Variants in GABBR2 observed in about 807,000 individuals in gnomAD.
The protein encoded by GABBR2 is gamma-aminobutyric acid type B receptor subunit 2, also known as G-protein coupled receptor 51.
GABBR2 carries 23 observed loss-of-function variants against 105.6 expected under a neutral mutation model. That is an observed-to-expected ratio of 0.22 (90% confidence interval 0.16 to 0.31). The LOEUF (loss-of-function observed/expected upper bound fraction) is 0.31, where lower values mean the gene tolerates loss of function less well. Ranked by LOEUF, GABBR2 falls within the 10% of genes least tolerant of loss-of-function variation. The probability of loss-of-function intolerance (pLI) is 1.00; values close to 1 mark genes in which losing one functional copy is unlikely to be tolerated. For synonymous variants in GABBR2, 478 were observed against 499.7 expected, an observed-to-expected ratio of 0.96 and a Z score of 0.58; for missense variants, 734 against 1,245.5, an observed-to-expected ratio of 0.59 and a Z score of 6.18.
At chr9:98,627,126 C>T (rs1930131) in intron 1 of GABBR2, among the ~76,000 whole-genome samples, 120,972 of 152,032 alleles carry the variant, frequency 0.8, 48,820 homozygotes, top group Middle Eastern at 0.88. Flanking sequence ...TTCACGGAGG[C>T]CAGCCTCAGC....
chr9:98,576,337 T>C (rs182591929), intron 2 of GABBR2, among the ~76,000 whole-genome samples: 88 of 152,336 alleles, frequency 5.8e-4, no homozygotes, highest in African/African-American at 2.0e-3. Context: ...CAAGCTGCCT[T>C]CCTCCGTTTA....
chr9:98,408,112 T>C (rs530495852), intron 7 of GABBR2, among the ~76,000 whole-genome samples: 37 of 152,250 alleles, frequency 2.4e-4, no homozygotes, highest in African/African-American at 7.5e-4. Flanking sequence ...TGTTTAATAG[T>C]GGGGAGCTGA....
intron 7 of GABBR2, among the ~76,000 whole-genome samples, chr9:98,423,981 T>A (rs10986192): frequency 0.27 from 41,000 of 152,088 alleles, 6,475 homozygotes; most frequent in Middle Eastern, 0.36. Context: ...CTGATCTATA[T>A]CTCTGTTTTG....
intron 4 of GABBR2, among the ~76,000 whole-genome samples, chr9:98,492,785 C>T (rs1343370637): frequency 6.6e-6 from 1 of 152,134 alleles, no homozygotes; most frequent in Non-Finnish European, 1.5e-5. Context: ...GGAAGAAGAC[C>T]ACAGAGGTAA....
chr9:98,661,411 A>T (rs1401455953), intron 1 of GABBR2, among the ~76,000 whole-genome samples: 2 of 140,534 alleles, frequency 1.4e-5, no homozygotes, highest in Non-Finnish European at 3.1e-5. Context: ...CTTTTCCCCC[A>T]CCCCCCCGAT....
chr9:98,410,881 C>T (rs1427812176), intron 7 of GABBR2, among the ~76,000 whole-genome samples: 4 of 152,170 alleles, frequency 2.6e-5, no homozygotes, highest in Admixed American at 6.5e-5. Flanking sequence ...TCTTCCTGCC[C>T]AAGGGGCATG....
At chr9:98,494,274 G>A (rs1330053243) in intron 4 of GABBR2, among the ~76,000 whole-genome samples, 5 of 152,184 alleles carry the variant, frequency 3.3e-5, no homozygotes, top group African/African-American at 1.2e-4. Context: ...AAATGGAGGA[G>A]AAAATTAGCA....
At chr9:98,415,469 A>G (rs1455196791) in intron 7 of GABBR2, among the ~76,000 whole-genome samples, 1 of 152,174 alleles carries the variant, frequency 6.6e-6, no homozygotes, top group African/African-American at 2.4e-5. Flanking sequence ...TCGAATAACA[A>G]AGAGAGCAAT....
intron 3 of GABBR2, among the ~76,000 whole-genome samples, chr9:98,508,295 G>A (rs762031420): frequency 1.4e-4 from 21 of 152,198 alleles, no homozygotes; most frequent in Admixed American, 1.0e-3. Context: ...GAGCCAAGAT[G>A]GCCGAATAGG....
At chr9:98,682,882 TTTTGTTTTG>T (rs1315469592) in intron 1 of GABBR2, among the ~76,000 whole-genome samples, 5 of 27,048 alleles carry the variant, frequency 1.8e-4, no homozygotes, top group African/African-American at 2.7e-4. Context: ...GAGCTTTTGA[TTTTGTTTTG>T]TTTGTTTGTT....
intron 1 of GABBR2, among the ~76,000 whole-genome samples, chr9:98,620,418 C>G (rs1829653382): frequency 6.6e-6 from 1 of 152,014 alleles, no homozygotes; most frequent in South Asian, 2.1e-4. Context: ...TTAAAATAAT[C>G]TTATTTAAAA....
At chr9:98,531,890 G>A (rs1399133351) in intron 3 of GABBR2, among the ~76,000 whole-genome samples, 1 of 152,108 alleles carries the variant, frequency 6.6e-6, no homozygotes, top group Non-Finnish European at 1.5e-5. Context: ...TAAATAAACA[G>A]GCGGCTAAGT....
intron 1 of GABBR2, among the ~76,000 whole-genome samples, chr9:98,608,855 A>T (rs1261407496): frequency 6.6e-6 from 1 of 152,228 alleles, no homozygotes; most frequent in Non-Finnish European, 1.5e-5. Flanking sequence ...AGCATCTTTC[A>T]TATGGTAGGA....
At chr9:98,342,067 C>G (rs1029132444) in intron 13 of GABBR2, among the ~76,000 whole-genome samples, 1 of 151,992 alleles carries the variant, frequency 6.6e-6, no homozygotes, top group Non-Finnish European at 1.5e-5. Flanking sequence ...AAGAGGGGAC[C>G]GGCACACAGA....
chr9:98,420,839 G>T (rs572802321), intron 7 of GABBR2, among the ~76,000 whole-genome samples: 1 of 152,314 alleles, frequency 6.6e-6, no homozygotes, highest in Non-Finnish European at 1.5e-5. Context: ...GCAGAGAGTA[G>T]GAAGCAGAAA....
At chr9:98,532,054 T>A (rs11788298) in intron 3 of GABBR2, among the ~76,000 whole-genome samples, 47,586 of 152,162 alleles carry the variant, frequency 0.31, 7,677 homozygotes, top group Non-Finnish European at 0.33. Flanking sequence ...TCTTAAGCAA[T>A]AACATCCATG....
chr9:98,520,882 G>C (rs1016927450), intron 3 of GABBR2, among the ~76,000 whole-genome samples: 1 of 152,144 alleles, frequency 6.6e-6, no homozygotes, highest in Admixed American at 6.5e-5. Flanking sequence ...CCATCTGATC[G>C]AGAGGATGCT....
At chr9:98,581,006 A>G (rs182794371) in intron 1 of GABBR2, 134 of 152,298 alleles carry the variant, frequency 8.8e-4, no homozygotes, top group African/African-American at 3.1e-3. Flanking sequence ...AACTCCTCTG[A>G]TCTGTGACCC....
At chr9:98,626,690 A>G (rs923321133) in intron 1 of GABBR2, among the ~76,000 whole-genome samples, 1 of 152,176 alleles carries the variant, frequency 6.6e-6, no homozygotes, top group South Asian at 2.1e-4. Context: ...TAAGTTCTAG[A>G]TGAGTGCTTG....
Sources: allele counts gnomAD v4.1 joint callset (sites outside exome capture counted in the v4.1 genomes callset), GRCh38; gene constraint gnomAD v4.1.1; transcripts MANE v1.5; gene names NCBI Gene and HGNC (gene_info 2026-07-23, HGNC 2026-07-21).